Variants in PXDNL observed in about 807,000 individuals in gnomAD.
PXDNL encodes the protein peroxidasin like.
A neutral mutation model predicts 150.8 loss-of-function variants in PXDNL; 145 were observed. The ratio of observed to expected loss-of-function variants is 0.96; its 90% CI spans 0.84 to 1.10. The LOEUF (loss-of-function observed/expected upper bound fraction) is 1.10. Ranked by LOEUF, PXDNL falls within the 50% of genes least tolerant of loss-of-function variation. The probability of loss-of-function intolerance (pLI) is 0.00; values close to 1 mark genes in which losing one functional copy is unlikely to be tolerated. For synonymous variants in PXDNL, 757 were observed against 725.7 expected, an observed-to-expected ratio of 1.04 and a Z score of -0.69; for missense variants, 2,087 against 1,873.9, an observed-to-expected ratio of 1.11 and a Z score of -2.10.
At chr8:51,789,657 G>A (rs1287337799) in intron 1 of PXDNL, among the ~76,000 whole-genome samples, 1 of 152,074 alleles carries the variant, frequency 6.6e-6, no homozygotes, top group African/African-American at 2.4e-5. Flanking sequence ...AGAAACTGTA[G>A]CCATTATCTT....
At position 51,457,606 on chromosome 8, in the gene PXDNL, T is replaced by C; in HGVS notation, c.874A>G (p.Ile292Val). Residue 292 changes from isoleucine (I) to valine (V), a missense_variant, in exon 9 of 23, where the codon ATC (isoleucine) becomes GTC (valine). Ile to Val is a conservative substitution (Grantham distance 29). Coordinates refer to ENST00000356297, the MANE Select transcript of PXDNL (RefSeq NM_144651.5). Reference protein sequence around the residue: ...LNVFDDGTLMIRNTRESDQGV... With the variant: ...LNVFDDGTLMVRNTRESDQGV... The stretch of plus-strand genomic sequence containing the variant: ...TGGTCTGACTCTCTGGTGTTTCGGA[T>C]CATGAGTGTGCCATCATCAAACACA... 6.2e-7 allele frequency: 1 copy of C among 1,613,898 alleles called. No homozygotes were observed. The highest frequency in any genetic ancestry group is 1.1e-5 in the South Asian group (1 of 91,072).
chr8:51,522,801 G>A (rs1264958444), intron 4 of PXDNL, among the ~76,000 whole-genome samples: 1 of 151,984 alleles, frequency 6.6e-6, no homozygotes, highest in African/African-American at 2.4e-5. Context: ...CCAAGATCGT[G>A]CCATTGAACT....
chr8:51,558,213 C>A (rs781637133), intron 3 of PXDNL, among the ~76,000 whole-genome samples: 1 of 151,986 alleles, frequency 6.6e-6, no homozygotes, highest in Non-Finnish European at 1.5e-5. Flanking sequence ...TCTACCCAAG[C>A]CTTATAGTAA....
chr8:51,426,792 A>T (rs751026722), intron 12 of PXDNL, 34 bp from the exon 13 acceptor site: 1 of 1,244,828 alleles, frequency 8.0e-7, no homozygotes, highest in South Asian at 1.3e-5. Flanking sequence ...ATCATGTCAA[A>T]TAATATCATT....
chr8:51,707,181 C>T (rs1816399049), intron 1 of PXDNL, among the ~76,000 whole-genome samples: 1 of 152,172 alleles, frequency 6.6e-6, no homozygotes, highest in African/African-American at 2.4e-5. Flanking sequence ...TTTGCTCGCT[C>T]TCTCTCTGTC....
intron 5 of PXDNL, among the ~76,000 whole-genome samples, chr8:51,486,782 ATATATATATATATTTT>A (rs1810762346): frequency 9.3e-5 from 2 of 21,416 alleles, no homozygotes; most frequent in East Asian, 3.5e-3. Context: ...ATATATATAT[ATATATATATATATTTT>A]TTTTTTTTTT....
chr8:51,646,024 A>G (rs1814911363), intron 2 of PXDNL, among the ~76,000 whole-genome samples: 1 of 151,980 alleles, frequency 6.6e-6, no homozygotes, highest in African/African-American at 2.4e-5. Context: ...ATGAGTTAGG[A>G]GGATACCAAG....
At chr8:51,696,713 GTTCACACACA>G (rs1563510035) in intron 1 of PXDNL, among the ~76,000 whole-genome samples, 1 of 3,800 alleles carries the variant, frequency 2.6e-4, no homozygotes, top group South Asian at 0.017. Flanking sequence ...CCACACACAG[GTTCACACACA>G]TCCACACACA....
intron 21 of PXDNL, among the ~76,000 whole-genome samples, chr8:51,338,101 C>T (rs1175282946): frequency 6.7e-6 from 1 of 150,126 alleles, no homozygotes; most frequent in Non-Finnish European, 1.5e-5. Flanking sequence ...ATTACTTGAG[C>T]CCGGGAGGCA....
chr8:51,385,779 G>A (rs1807689387), intron 17 of PXDNL, among the ~76,000 whole-genome samples: 1 of 152,108 alleles, frequency 6.6e-6, no homozygotes, highest in African/African-American at 2.4e-5. Flanking sequence ...TCCTGGTACT[G>A]AGTAAGTCTC....
chr8:51,789,770 A>G (rs980770952), intron 1 of PXDNL, among the ~76,000 whole-genome samples: 1 of 152,216 alleles, frequency 6.6e-6, no homozygotes, highest in African/African-American at 2.4e-5. Context: ...CCCAAGGAGT[A>G]TCCTTCAGGG....
intron 1 of PXDNL, among the ~76,000 whole-genome samples, chr8:51,720,038 C>A (rs922618823): frequency 6.6e-6 from 1 of 151,798 alleles, no homozygotes; most frequent in African/African-American, 2.4e-5. Flanking sequence ...GAAGCAGGGC[C>A]GGGACTAGGG....
intron 1 of PXDNL, among the ~76,000 whole-genome samples, chr8:51,753,566 C>T (rs1183664890): frequency 6.6e-6 from 1 of 152,204 alleles, no homozygotes; most frequent in East Asian, 1.9e-4. Context: ...TAAACAGGAA[C>T]TCAATGAAGT....
intron 1 of PXDNL, among the ~76,000 whole-genome samples, chr8:51,707,233 C>T (rs1816400139): frequency 6.6e-6 from 1 of 152,168 alleles, no homozygotes; most frequent in Admixed American, 6.5e-5. Context: ...GAGGCAGACA[C>T]ATGACAAGCA....
chr8:51,749,462 G>A (rs866661619), intron 1 of PXDNL, among the ~76,000 whole-genome samples: 16 of 152,160 alleles, frequency 1.1e-4, no homozygotes, highest in Non-Finnish European at 2.1e-4. Flanking sequence ...AAACATATTG[G>A]TAAGTATAGT....
At position 51,446,988 on chromosome 8, in the gene PXDNL, T is replaced by C. The variant is rs201340994; in HGVS notation, c.1525+16A>G. 2 of 1,613,268 alleles carry C rather than the reference T, an allele frequency of 1.2e-6. No individual in the cohort carries two copies. The highest frequency in any genetic ancestry group is 2.2e-5 in the East Asian group (1 of 44,868). On this transcript the variant is annotated intron_variant, in intron 12 of 22. Coordinates refer to ENST00000356297, the MANE Select transcript of PXDNL (RefSeq NM_144651.5). ...GCACACTTCAGAATGTGAATATGAATCACAGTATATATTACCTTTGGGTTT... is the reference window on the plus strand; with the variant it reads ...GCACACTTCAGAATGTGAATATGAACCACAGTATATATTACCTTTGGGTTT...
chr8:51,437,135 C>T (rs960525831), intron 12 of PXDNL, among the ~76,000 whole-genome samples: 1 of 152,056 alleles, frequency 6.6e-6, no homozygotes, highest in Non-Finnish European at 1.5e-5. Flanking sequence ...TACAACCTTC[C>T]TAGATTAAAC....
chr8:51,565,080 A>C (rs1000694932), intron 3 of PXDNL, among the ~76,000 whole-genome samples: 2 of 151,778 alleles, frequency 1.3e-5, no homozygotes, highest in African/African-American at 4.8e-5. Context: ...CAGGTTAAGC[A>C]TCCCTAATCC....
At chr8:51,369,918 C>T (rs1210294748) in intron 19 of PXDNL, among the ~76,000 whole-genome samples, 1 of 152,174 alleles carries the variant, frequency 6.6e-6, no homozygotes, top group African/African-American at 2.4e-5. Context: ...GAGCCCTCCT[C>T]CGAGTCTTCA....
Sources: gnomAD v4.1 joint callset for allele counts (sites outside exome capture counted in the v4.1 genomes callset) on GRCh38, gnomAD v4.1.1 for gene constraint, MANE v1.5 for transcripts, NCBI Gene and HGNC (gene_info 2026-07-23, HGNC 2026-07-21) for gene names.